AGAP1: variants seen among roughly 807,000 people sequenced by gnomAD.
The protein encoded by AGAP1 is ArfGAP with GTPase domain, ankyrin repeat and PH domain 1.
In AGAP1, 29 loss-of-function variants were observed where a neutral mutation model predicts 105.3. The ratio of observed to expected loss-of-function variants is 0.28; its 90% CI spans 0.21 to 0.38. The LOEUF is 0.38. AGAP1 is among the 10% of genes least tolerant of loss of function. AGAP1 has a pLI of 1.00. For synonymous variants in AGAP1, 509 were observed against 485.9 expected (o/e 1.05, Z -0.63); for missense variants, 998 against 1,165.1 (o/e 0.86, Z 2.09).
At chr2:235,798,021 C>T (rs1957323147) in intron 7 of AGAP1, 135 bp downstream of exon 7, 1 of 1,139,874 alleles carries the variant, frequency 8.8e-7, no homozygotes, top group Non-Finnish European at 1.2e-6. Flanking sequence ...ATTGACTTCA[C>T]ATTTTCTTCA....
chr2:235,707,866 C>T (rs1950631367), intron 1 of AGAP1, among the ~76,000 whole-genome samples: 1 of 150,904 alleles, frequency 6.6e-6, no homozygotes, highest in African/African-American at 2.4e-5. Context: ...CATGGTAGGA[C>T]ATGCTCCCCA....
At chr2:236,021,754 T>C (rs2056891511) in intron 13 of AGAP1, among the ~76,000 whole-genome samples, 1 of 152,056 alleles carries the variant, frequency 6.6e-6, no homozygotes, top group South Asian at 2.1e-4. Flanking sequence ...TTTGGAGTCT[T>C]TTCTTAATTT....
chr2:235,898,666 A>G (rs974245771), intron 10 of AGAP1, among the ~76,000 whole-genome samples: 2 of 152,200 alleles, frequency 1.3e-5, no homozygotes, highest in East Asian at 1.9e-4. Context: ...GCTAACATTT[A>G]TGGAGGGCTT....
rs11674232 is a variant in AGAP1, at chr2:235,957,806, G to A, written c.1484-10656G>A. On this transcript the variant is annotated intron_variant, in intron 12 of 17. Coordinates refer to ENST00000304032, the MANE Select transcript of AGAP1 (RefSeq NM_001037131.3). The surrounding 1 kb of genome is among the most constrained non-coding windows in gnomAD (Gnocchi z 4.6). ...TCAAAGGAAGTGCGTTTTAATTTAC[G>A]AGTTCCTACAACGACTTCATCTTGA... Among the ~76,000 whole-genome samples the A allele has an allele frequency of 0.026, 4,026 of 152,266 alleles. 181 individuals carry two copies. The highest frequency in any genetic ancestry group is 0.091 in the African/African-American group (3,784 of 41,542).
chr2:235,696,723 C>T (rs1173474529), intron 1 of AGAP1, among the ~76,000 whole-genome samples: 1 of 152,174 alleles, frequency 6.6e-6, no homozygotes, highest in African/African-American at 2.4e-5. Context: ...GCAGACTTAT[C>T]TGTGGGGGAA....
rs2056421588 is a variant in AGAP1, at chr2:236,009,099, C to T, written c.1646-27462C>T. Among the ~76,000 whole-genome samples the T allele has an allele frequency of 2.0e-5, 3 of 152,196 alleles. No homozygotes were observed. The highest frequency in any genetic ancestry group is 2.0e-4 in the Admixed American group (3 of 15,284). Reference sequence around the variant, plus strand: ...TGTGAGCTCTCCGCTAGGAAGCGGCCATCATGTCAAGCCCCTTCACAGCTA... The same window carrying T: ...TGTGAGCTCTCCGCTAGGAAGCGGCTATCATGTCAAGCCCCTTCACAGCTA... On this transcript the variant is annotated intron_variant, in intron 13 of 17. Coordinates refer to ENST00000304032, the MANE Select transcript of AGAP1 (RefSeq NM_001037131.3). This position sits in a 1 kb window ranked among gnomAD's most constrained non-coding sequence, Gnocchi z 4.2.
chr2:235,501,925 T>C (rs1941578945), intron 1 of AGAP1, among the ~76,000 whole-genome samples: 1 of 152,208 alleles, frequency 6.6e-6, no homozygotes, highest in African/African-American at 2.4e-5. Context: ...CTTTGTTAAG[T>C]ACCTTTCTCC....
rs1049447683 is a variant in AGAP1 at position 235,865,850 on chromosome 2, A to G, written c.1051-17495A>G. 6.6e-6 allele frequency among the ~76,000 whole-genome samples: 1 copy of G among 152,172 alleles called. No individual in the cohort carries two copies. Among genetic ancestry groups the G allele is most frequent in the African/African-American group, 2.4e-5 (1 of 41,440 alleles). On this transcript the variant is annotated intron_variant, in intron 9 of 17. Coordinates refer to ENST00000304032, the MANE Select transcript of AGAP1 (RefSeq NM_001037131.3). This position sits in a 1 kb window ranked among gnomAD's most constrained non-coding sequence, Gnocchi z 6.2. ...CAAAATTTACCTCCCAGCATCGTGG[A>G]TGTGAATTTGCCAGAAGTTTTCCGT...
At chr2:236,026,626 G>A (rs1368590765) in intron 13 of AGAP1, among the ~76,000 whole-genome samples, 2 of 152,216 alleles carry the variant, frequency 1.3e-5, no homozygotes, top group African/African-American at 4.8e-5. Context: ...CTACTCTGGA[G>A]GCTGAGGCAG....
At chr2:235,709,661 C>G (rs1404217061) in intron 2 of AGAP1, among the ~76,000 whole-genome samples, 1 of 152,172 alleles carries the variant, frequency 6.6e-6, no homozygotes, top group Non-Finnish European at 1.5e-5. Context: ...TCATGAGTCA[C>G]CAAGCTTTGG....
chr2:235,736,760 G>A lies in AGAP1; in HGVS notation c.311-4203G>A, dbSNP rs1314631150. Among the ~76,000 whole-genome samples the A allele has an allele frequency of 6.6e-6, 1 of 152,124 alleles. No homozygotes were observed. Among genetic ancestry groups the A allele is most frequent in the Non-Finnish European group, 1.5e-5 (1 of 68,034 alleles). On this transcript the variant is annotated intron_variant, in intron 3 of 17. Coordinates refer to ENST00000304032, the MANE Select transcript of AGAP1 (RefSeq NM_001037131.3). This position sits in a 1 kb window ranked among gnomAD's most constrained non-coding sequence, Gnocchi z 5.5. Reference sequence around the variant, plus strand: ...GGAGGCTGAGGTGGGAGGATCTTTTGAGCCTAGGCAGTCGAGGCTGCAGTG... The same window carrying A: ...GGAGGCTGAGGTGGGAGGATCTTTTAAGCCTAGGCAGTCGAGGCTGCAGTG...
chr2:235,815,422 G>C (rs1462470538), intron 9 of AGAP1, among the ~76,000 whole-genome samples: 1 of 152,134 alleles, frequency 6.6e-6, no homozygotes, highest in South Asian at 2.1e-4. Context: ...TTGAATCAGG[G>C]TCCCATCTGT....
In AGAP1 at chr2:235,714,862, A is replaced by G. The variant is rs1400920648; in HGVS notation, c.223-2695A>G. On this transcript the variant is annotated intron_variant, in intron 2 of 17. Transcript: ENST00000304032. The surrounding 1 kb of genome is among the most constrained non-coding windows in gnomAD (Gnocchi z 4.1). Reference sequence around the variant, plus strand: ...CACCCAGGCTGGAGTCCAGTGGTGTATCTCGGCTCACTGCAACCTCCGCCT... The same window carrying G: ...CACCCAGGCTGGAGTCCAGTGGTGTGTCTCGGCTCACTGCAACCTCCGCCT... Among the ~76,000 whole-genome samples the G allele has an allele frequency of 6.6e-6, 1 of 152,084 alleles. No homozygotes were observed. The highest frequency in any genetic ancestry group is 1.5e-5 in the Non-Finnish European group (1 of 68,010).
intron 13 of AGAP1, among the ~76,000 whole-genome samples, chr2:236,032,242 A>C (rs561012198): frequency 6.6e-6 from 1 of 152,334 alleles, no homozygotes; most frequent in Non-Finnish European, 1.5e-5. Context: ...TGAATGAGGC[A>C]AGACAGAGGT....
At chr2:235,827,723 G>C (rs149021010) in intron 9 of AGAP1, among the ~76,000 whole-genome samples, 47 of 152,298 alleles carry the variant, frequency 3.1e-4, no homozygotes, top group African/African-American at 1.1e-3. Flanking sequence ...CACTTCCAAG[G>C]TTAGTCAGGG....
intron 9 of AGAP1, among the ~76,000 whole-genome samples, chr2:235,819,103 T>G (rs1958630204): frequency 6.8e-6 from 1 of 147,376 alleles, no homozygotes. Context: ...ATTGTATTTC[T>G]TTTCTTTTCT....
Position 236,040,840 on chromosome 2 carries a change from G to A in AGAP1, c.1890G>A (p.Gln630=). 6.2e-7 allele frequency: 1 copy of A among 1,614,208 alleles called. No individual in the cohort carries two copies. Among genetic ancestry groups the A allele is most frequent in the Non-Finnish European group, 8.5e-7 (1 of 1,180,030 alleles). Residue 630 remains glutamine, a splice_region_variant and synonymous_variant, in exon 15 of 18, where the codon CAG becomes CAA. Coordinates refer to ENST00000304032, the MANE Select transcript of AGAP1 (RefSeq NM_001037131.3). The surrounding 1 kb of genome is among the most constrained non-coding windows in gnomAD (Gnocchi z 5.6). ...GNSHCVDCET[Q]NPNWASLNLG... Reference sequence around the variant, plus strand: ...CCCACTGTGTGGACTGCGAGACCCAGAGTAAGTGTGTGCGGTGGTAGCAGG... The same window carrying A: ...CCCACTGTGTGGACTGCGAGACCCAAAGTAAGTGTGTGCGGTGGTAGCAGG...
chr2:235,878,195 A>G (rs2049841159), intron 9 of AGAP1, among the ~76,000 whole-genome samples: 1 of 152,036 alleles, frequency 6.6e-6, no homozygotes. Context: ...AACCCCAGTG[A>G]CTCTTGGCCA....
chr2:235,912,573 T>C (rs2051670543), intron 11 of AGAP1, among the ~76,000 whole-genome samples: 1 of 152,220 alleles, frequency 6.6e-6, no homozygotes, highest in African/African-American at 2.4e-5. Context: ...TCCCGTAACT[T>C]GCATTCACAT....
Sources: allele counts gnomAD v4.1 joint callset (sites outside exome capture counted in the v4.1 genomes callset), GRCh38; gene constraint gnomAD v4.1.1; non-coding constraint Gnocchi (gnomAD v3.1); transcripts MANE v1.5; gene names NCBI Gene and HGNC (gene_info 2026-07-23, HGNC 2026-07-21).